CTNNA2: variants seen among roughly 807,000 people sequenced by gnomAD.
CTNNA2 encodes the protein catenin alpha 2.
A neutral mutation model predicts 101.0 loss-of-function variants in CTNNA2; 42 were observed. The observed-to-expected ratio is 0.42, with a 90% CI of 0.32 to 0.54. CTNNA2 has a LOEUF of 0.54. CTNNA2 is among the 20% of genes least tolerant of loss of function. CTNNA2 has a pLI of 0.14. For synonymous variants in CTNNA2, 450 were observed against 456.4 expected (o/e 0.99, Z 0.18); for missense variants, 871 against 1,223.1 (o/e 0.71, Z 4.29).
At chr2:79,532,052 G>A (rs1672779263) in intron 1 of CTNNA2, among the ~76,000 whole-genome samples, 1 of 152,074 alleles carries the variant, frequency 6.6e-6, no homozygotes, top group South Asian at 2.1e-4. Context: ...GAGTTTTCCT[G>A]AACTCTGTTA....
At position 80,043,024 on chromosome 2, in the gene CTNNA2, TTTCTTTCTTTCTTTCC is replaced by T. The variant is rs1422910677; in HGVS notation, c.1056+133243_1056+133258del. The stretch of plus-strand genomic sequence containing the variant: ...CCTTTCCTTCCTTTCTTTCCCTTTC[TTTCTTTCTTTCTTTCC>T]TTCTTTCTTTCTTTCTTTCTTTCTT... On this transcript the variant is annotated intron_variant, in intron 7 of 18. Coordinates refer to ENST00000402739, the MANE Select transcript of CTNNA2 (RefSeq NM_001282597.3). Among the ~76,000 whole-genome samples, 517 of 53,532 alleles carry T rather than the reference TTTCTTTCTTTCTTTCC, an allele frequency of 9.7e-3. 74 individuals are homozygous for T. The highest frequency in any genetic ancestry group is 0.021 in the East Asian group (14 of 678). The allele number at this position is 53,532 out of a possible 152,430, so 35.1% of individuals were successfully genotyped here. A position where few individuals can be genotyped will look rare whatever the true frequency, so the allele number is the denominator to read the frequency against.
chr2:79,797,504 T>TA (rs553063861), intron 3 of CTNNA2, among the ~76,000 whole-genome samples: 2 of 151,492 alleles, frequency 1.3e-5, no homozygotes, highest in South Asian at 2.1e-4. Flanking sequence ...ACTAAAAATA[T>TA]AAAAAAATAG....
At chr2:79,534,574 C>T (rs922826607) in intron 1 of CTNNA2, among the ~76,000 whole-genome samples, 2 of 151,444 alleles carry the variant, frequency 1.3e-5, no homozygotes, top group East Asian at 1.9e-4. Context: ...GGTAAATGAA[C>T]GTTAGTTTAT....
chr2:79,866,998 T>C lies in CTNNA2; in HGVS notation c.466-2818T>C, dbSNP rs1344705102. ...GACCAATCTGACCTCATAGCCCTCC[T>C]CACACAGTTGTACTTAACATTCTTC... On this transcript the variant is annotated intron_variant, in intron 4 of 18. Transcript: ENST00000402739. Among the ~76,000 whole-genome samples, 4 of 152,268 alleles carry C rather than the reference T, an allele frequency of 2.6e-5. No individual in the cohort carries two copies. In the East Asian group the frequency reaches 5.8e-4, roughly 22 times the overall value.
chr2:79,686,368 A>T (rs1486440199), intron 2 of CTNNA2, among the ~76,000 whole-genome samples: 1 of 152,202 alleles, frequency 6.6e-6, no homozygotes, highest in Non-Finnish European at 1.5e-5. Flanking sequence ...GGCACAAAAT[A>T]TGAAAACTTC....
chr2:79,221,741 A>G (rs1347983096), intron 2 of CTNNA2, among the ~76,000 whole-genome samples: 1 of 152,114 alleles, frequency 6.6e-6, no homozygotes, highest in African/African-American at 2.4e-5. Context: ...TTAGAGATAA[A>G]AGTTTGTATC....
At chr2:80,492,072 C>G (rs1687107788) in intron 9 of CTNNA2, among the ~76,000 whole-genome samples, 1 of 152,104 alleles carries the variant, frequency 6.6e-6, no homozygotes, top group South Asian at 2.1e-4. Context: ...CCACCCAAAT[C>G]TCATGTTGAA....
At chr2:79,894,060 TTCTTCCTCC>T (rs1684519917) in intron 6 of CTNNA2, among the ~76,000 whole-genome samples, 2 of 55,220 alleles carry the variant, frequency 3.6e-5, no homozygotes, top group Non-Finnish European at 7.4e-5. Context: ...CTTCTTCTTC[TTCTTCCTCC>T]TCCTCCTCCT....
At chr2:80,215,400 C>T (rs1180772813) in intron 7 of CTNNA2, among the ~76,000 whole-genome samples, 1 of 152,016 alleles carries the variant, frequency 6.6e-6, no homozygotes, top group Non-Finnish European at 1.5e-5. Context: ...GTTTTATTTA[C>T]CTTTGGTCTT....
chr2:79,609,349 T>C (rs1329346364), intron 1 of CTNNA2, among the ~76,000 whole-genome samples: 1 of 152,066 alleles, frequency 6.6e-6, no homozygotes, highest in Non-Finnish European at 1.5e-5. Flanking sequence ...ATTCATCTTA[T>C]GGTTTTATGT....
intron 3 of CTNNA2, among the ~76,000 whole-genome samples, chr2:79,335,473 A>T (rs1676973908): frequency 6.6e-6 from 1 of 152,204 alleles, no homozygotes; most frequent in African/African-American, 2.4e-5. Context: ...TAATGAGTCA[A>T]TCTTATGAAT....
intron 7 of CTNNA2, among the ~76,000 whole-genome samples, chr2:80,207,295 A>G (rs1401283426): frequency 6.6e-6 from 1 of 152,212 alleles, no homozygotes; most frequent in Admixed American, 6.5e-5. Context: ...CCAGACAGAG[A>G]GAAATGGAGA....
At chr2:80,500,688 C>T (rs1417826192) in intron 9 of CTNNA2, among the ~76,000 whole-genome samples, 1 of 152,188 alleles carries the variant, frequency 6.6e-6, no homozygotes, top group Non-Finnish European at 1.5e-5. Flanking sequence ...CTCTCTCCCT[C>T]CCCCTCTTGC....
chr2:80,133,053 T>G (rs1702499038), intron 7 of CTNNA2, among the ~76,000 whole-genome samples: 1 of 152,176 alleles, frequency 6.6e-6, no homozygotes, highest in African/African-American at 2.4e-5. Context: ...ATGAGGTCAT[T>G]AGATGGGACC....
chr2:79,804,845 T>A (rs183435690), intron 3 of CTNNA2, among the ~76,000 whole-genome samples: 36 of 152,266 alleles, frequency 2.4e-4, no homozygotes, highest in African/African-American at 7.5e-4. Flanking sequence ...TAAAACCGAT[T>A]TAAGAAAATG....
At chr2:79,813,034 T>C (rs1230266463) in intron 3 of CTNNA2, among the ~76,000 whole-genome samples, 9 of 152,184 alleles carry the variant, frequency 5.9e-5, no homozygotes, top group African/African-American at 2.2e-4. Flanking sequence ...GGTTAGCCAC[T>C]GCAGTTAGGT....
chr2:80,441,233 T>C (rs1682543183), intron 9 of CTNNA2, among the ~76,000 whole-genome samples: 3 of 152,298 alleles, frequency 2.0e-5, no homozygotes, highest in Non-Finnish European at 1.5e-5. Flanking sequence ...TTTTGAGGTT[T>C]CTGTCTACCC....
At chr2:79,430,099 G>A (rs1292476507) in intron 4 of CTNNA2, among the ~76,000 whole-genome samples, 2 of 152,062 alleles carry the variant, frequency 1.3e-5, no homozygotes, top group African/African-American at 2.4e-5. Flanking sequence ...CATGGAGCTT[G>A]AGAGAAGCAA....
chr2:80,379,390 T>G (rs907117823), intron 7 of CTNNA2, among the ~76,000 whole-genome samples: 2 of 152,172 alleles, frequency 1.3e-5, no homozygotes, highest in African/African-American at 4.8e-5. Context: ...GGACTTTTTT[T>G]GAAATGTTGT....
Sources: gnomAD v4.1 joint callset for allele counts (sites outside exome capture counted in the v4.1 genomes callset) on GRCh38, gnomAD v4.1.1 for gene constraint, MANE v1.5 for transcripts, NCBI Gene and HGNC (gene_info 2026-07-23, HGNC 2026-07-21) for gene names.